CHN2: variants seen among roughly 807,000 people sequenced by gnomAD.
The protein encoded by CHN2 is beta-chimaerin.
CHN2 carries 35 observed loss-of-function variants against 56.3 expected under a neutral mutation model. The observed-to-expected ratio is 0.62, with a 90% CI of 0.47 to 0.82. CHN2 has a LOEUF of 0.82. Ranked by LOEUF, CHN2 falls within the 40% of genes least tolerant of loss-of-function variation. CHN2 has a pLI of 0.00. For synonymous variants in CHN2, 210 were observed against 212.8 expected, an observed-to-expected ratio of 0.99 and a Z score of 0.12; for missense variants, 491 against 580.5, an observed-to-expected ratio of 0.85 and a Z score of 1.58.
chr7:29,405,227 G>A (rs1285492900), intron 6 of CHN2, among the ~76,000 whole-genome samples: 1 of 70,148 alleles, frequency 1.4e-5, no homozygotes, highest in Non-Finnish European at 3.5e-5. Context: ...ACACACGGCA[G>A]TTCCAACACT....
At chr7:29,489,167 CTT>C (rs1788377553) in intron 7 of CHN2, among the ~76,000 whole-genome samples, 1 of 152,172 alleles carries the variant, frequency 6.6e-6, no homozygotes, top group Non-Finnish European at 1.5e-5. Flanking sequence ...TCTTCTTGCT[CTT>C]GTTTTTGCAA....
Position 29,357,747 on chromosome 7 carries a change from C to G in CHN2, c.88+3084C>G, listed in dbSNP as rs142367674. Among the ~76,000 whole-genome samples the G allele has an allele frequency of 3.6e-3, 542 of 152,260 alleles. 3 individuals are homozygous for G. The highest frequency in any genetic ancestry group is 0.012 in the African/African-American group (498 of 41,540). ...TGACTAGGAGAAGGAATCTGAGGGCCTTCATGAGATGCTTTTTAAAAAATC... is the reference window on the plus strand; with the variant it reads ...TGACTAGGAGAAGGAATCTGAGGGCGTTCATGAGATGCTTTTTAAAAAATC... On this transcript the variant is annotated intron_variant, in intron 2 of 12. Coordinates refer to ENST00000222792, the MANE Select transcript of CHN2 (RefSeq NM_004067.4).
At position 29,201,383 on chromosome 7, in the gene CHN2, A is replaced by G. The variant is rs538092266; in HGVS notation, c.49+6393A>G. Among the ~76,000 whole-genome samples the G allele has an allele frequency of 2.0e-5, 3 of 152,026 alleles. No individual in the cohort carries two copies. The South Asian group carries it at 6.3e-4, about 32-fold the overall frequency. On this transcript the variant is annotated intron_variant, in intron 1 of 12. Transcript: ENST00000222792. Reference sequence around the variant, plus strand: ...ACCCACTTCCTGGCTCATCCTAAAGAGTAGCATCATCCTTAGAGAATTTCT... The same window carrying G: ...ACCCACTTCCTGGCTCATCCTAAAGGGTAGCATCATCCTTAGAGAATTTCT...
intron 6 of CHN2, among the ~76,000 whole-genome samples, chr7:29,433,306 T>G (rs1782981128): frequency 6.6e-6 from 1 of 152,108 alleles, no homozygotes; most frequent in African/African-American, 2.4e-5. Flanking sequence ...ATCTTGTGAG[T>G]GAAATGGGAT....
At chr7:29,424,033 C>T (rs974422511) in intron 6 of CHN2, among the ~76,000 whole-genome samples, 1 of 152,178 alleles carries the variant, frequency 6.6e-6, no homozygotes, top group African/African-American at 2.4e-5. Flanking sequence ...TAATTTGCCA[C>T]TATAGAAATT....
At chr7:29,348,499 C>T (rs2128920395) in intron 1 of CHN2, among the ~76,000 whole-genome samples, 2 of 152,244 alleles carry the variant, frequency 1.3e-5, no homozygotes, top group South Asian at 4.1e-4. Flanking sequence ...CCTCCTTCCC[C>T]ATCCTTTCAT....
chr7:29,408,171 C>T (rs997777968), intron 6 of CHN2, among the ~76,000 whole-genome samples: 14 of 148,950 alleles, frequency 9.4e-5, no homozygotes, highest in African/African-American at 3.5e-4. Flanking sequence ...GCCTGGACGG[C>T]GGAGTGAGAC....
intron 6 of CHN2, among the ~76,000 whole-genome samples, chr7:29,437,848 A>G (rs994874665): frequency 1.3e-5 from 2 of 152,204 alleles, no homozygotes; most frequent in African/African-American, 4.8e-5. Flanking sequence ...ACAAATATAT[A>G]TACATGGAGC....
intron 2 of CHN2, among the ~76,000 whole-genome samples, chr7:29,176,058 C>T (rs528809819): frequency 1.4e-4 from 21 of 151,962 alleles, no homozygotes; most frequent in Non-Finnish European, 2.5e-4. Flanking sequence ...TGGTGGTGGG[C>T]GCCTGTAGTC....
At chr7:29,227,376 G>T (rs561740872) in intron 1 of CHN2, among the ~76,000 whole-genome samples, 1 of 152,136 alleles carries the variant, frequency 6.6e-6, no homozygotes, top group Non-Finnish European at 1.5e-5. Flanking sequence ...TAGAGGGATG[G>T]ACGTACTGAG....
chr7:29,332,774 C>T (rs1280701757), intron 1 of CHN2: 3 of 151,990 alleles, frequency 2.0e-5, no homozygotes, highest in South Asian at 2.1e-4. Flanking sequence ...GCTCTGAGCA[C>T]GTTTAAGGCA....
chr7:29,331,271 G>A (rs935277459), intron 1 of CHN2, among the ~76,000 whole-genome samples: 2 of 151,606 alleles, frequency 1.3e-5, no homozygotes, highest in Non-Finnish European at 2.9e-5. Context: ...CAGAGGTGTC[G>A]GCAGATTGAG....
At chr7:29,314,087 A>G (rs1794786565) in intron 1 of CHN2, among the ~76,000 whole-genome samples, 1 of 152,248 alleles carries the variant, frequency 6.6e-6, no homozygotes, top group Non-Finnish European at 1.5e-5. Flanking sequence ...CAAAATTTCC[A>G]AGAGATATTT....
rs535071884 is a variant in CHN2 at position 29,420,980 on chromosome 7, T to C, written c.576+20152T>C. ...ACCCACCACCTAATTTTGGTATTTT[T>C]GGTAGAGACGGGGTTTCGCCATGTT... On this transcript the variant is annotated intron_variant, in intron 6 of 12. Transcript: ENST00000222792. Among the ~76,000 whole-genome samples, 10 of 152,274 alleles carry C rather than the reference T, an allele frequency of 6.6e-5. No individual in the cohort carries two copies. The South Asian group carries it at 1.7e-3, about 25-fold the overall frequency.
intron 7 of CHN2, among the ~76,000 whole-genome samples, chr7:29,487,551 T>G (rs1288337018): frequency 2.6e-5 from 4 of 152,046 alleles, no homozygotes; most frequent in African/African-American, 9.7e-5. Flanking sequence ...TACAGGATGG[T>G]CTCATAAAGC....
chr7:29,453,715 G>A (rs1784557493), intron 6 of CHN2, among the ~76,000 whole-genome samples: 2 of 152,114 alleles, frequency 1.3e-5, no homozygotes, highest in Admixed American at 1.3e-4. Context: ...ATTAGTGGGT[G>A]GTTTGGATTT....
At chr7:29,250,829 G>A (rs938973969) in intron 1 of CHN2, among the ~76,000 whole-genome samples, 2 of 151,342 alleles carry the variant, frequency 1.3e-5, no homozygotes, top group African/African-American at 4.9e-5. Context: ...TCCTGCCTCA[G>A]CCTCTCAAGC....
At chr7:29,323,417 CATT>C (rs1326905060) in intron 1 of CHN2, among the ~76,000 whole-genome samples, 1 of 152,150 alleles carries the variant, frequency 6.6e-6, no homozygotes, top group Non-Finnish European at 1.5e-5. Context: ...ATGGCCCCCT[CATT>C]ATTCTGCTAC....
chr7:29,259,383 G>A (rs1208620274), intron 1 of CHN2, among the ~76,000 whole-genome samples: 1 of 151,884 alleles, frequency 6.6e-6, no homozygotes, highest in East Asian at 1.9e-4. Flanking sequence ...AAAGAAGAAG[G>A]AAGATCTCTA....
Sources: allele counts gnomAD v4.1 joint callset (sites outside exome capture counted in the v4.1 genomes callset), GRCh38; gene constraint gnomAD v4.1.1; transcripts MANE v1.5; gene names NCBI Gene and HGNC (gene_info 2026-07-23, HGNC 2026-07-21).